Variants in ZMAT4 observed in about 807,000 individuals in gnomAD.
ZMAT4 encodes zinc finger matrin-type protein 4.
ZMAT4 carries 17 observed loss-of-function variants against 28.7 expected under a neutral mutation model. The observed-to-expected ratio is 0.59, with a 90% CI of 0.41 to 0.89. The LOEUF is 0.89. Ranked by LOEUF, ZMAT4 falls within the 40% of genes least tolerant of loss-of-function variation. ZMAT4 has a pLI of 0.00. For missense variants in ZMAT4, 240 were observed against 283.8 expected (o/e 0.85, Z 1.11); for synonymous variants, 117 against 109.2 (o/e 1.07, Z -0.44).
Position 40,729,294 on chromosome 8 carries a change from G to A in ZMAT4, c.193-31893C>T, listed in dbSNP as rs927843179. ...TTTTGGAGGACAGTTAATTATCTCT[G>A]TCATATCAAGTATCCAAATGGGAGG... On this transcript the variant is annotated intron_variant, in intron 3 of 6. Coordinates refer to ENST00000297737, the MANE Select transcript of ZMAT4 (RefSeq NM_024645.3). Among the ~76,000 whole-genome samples, 71 of 152,272 alleles carry A rather than the reference G, an allele frequency of 4.7e-4. 1 individual carries two copies. The highest frequency in any genetic ancestry group is 1.6e-3 in the African/African-American group (66 of 41,560).
At chr8:40,874,772 A>G (rs531336325) in intron 1 of ZMAT4, among the ~76,000 whole-genome samples, 5 of 152,340 alleles carry the variant, frequency 3.3e-5, no homozygotes, top group Non-Finnish European at 7.3e-5. Context: ...CAGTGGCCCA[A>G]GCCCTTTCCT....
At chr8:40,566,591 C>T (rs1232380113) in intron 6 of ZMAT4, among the ~76,000 whole-genome samples, 1 of 152,046 alleles carries the variant, frequency 6.6e-6, no homozygotes, top group African/African-American at 2.4e-5. Flanking sequence ...CATCTGGTTC[C>T]AAGACTAAGA....
At chr8:40,689,864 A>G (rs192992843) in intron 4 of ZMAT4, among the ~76,000 whole-genome samples, 1 of 152,256 alleles carries the variant, frequency 6.6e-6, no homozygotes, top group Admixed American at 6.5e-5. Context: ...CAAAGGTATA[A>G]CAACATCATA....
At chr8:40,621,608 A>G (rs1411244999) in intron 5 of ZMAT4, among the ~76,000 whole-genome samples, 1 of 152,224 alleles carries the variant, frequency 6.6e-6, no homozygotes, top group Non-Finnish European at 1.5e-5. Flanking sequence ...TACTGACATG[A>G]TTTGATATCA....
chr8:40,762,859 C>G (rs1429461483), intron 3 of ZMAT4, among the ~76,000 whole-genome samples: 1 of 152,110 alleles, frequency 6.6e-6, no homozygotes, highest in African/African-American at 2.4e-5. Context: ...TTTGTTGAAG[C>G]CACCCAGTTT....
At chr8:40,697,081 C>G in intron 4 of ZMAT4, 164 bp downstream of exon 4, 1 of 720,762 alleles carries the variant, frequency 1.4e-6, no homozygotes, top group Non-Finnish European at 2.2e-6. Context: ...GGTCTTAGGA[C>G]AGCCAGGTCT....
At chr8:40,870,177 T>A (rs1480813295) in intron 1 of ZMAT4, among the ~76,000 whole-genome samples, 1 of 152,162 alleles carries the variant, frequency 6.6e-6, no homozygotes, top group African/African-American at 2.4e-5. Flanking sequence ...AGACAACTTT[T>A]ATTCCCTAAG....
At chr8:40,868,635 C>T (rs1416682175) in intron 1 of ZMAT4, among the ~76,000 whole-genome samples, 1 of 152,184 alleles carries the variant, frequency 6.6e-6, no homozygotes, top group Non-Finnish European at 1.5e-5. Flanking sequence ...AGAAGAGGGT[C>T]CAAGGTCACC....
intron 1 of ZMAT4, among the ~76,000 whole-genome samples, chr8:40,867,011 T>A (rs1481867974): frequency 6.6e-6 from 1 of 152,210 alleles, no homozygotes; most frequent in East Asian, 1.9e-4. Flanking sequence ...AACTCTTCTC[T>A]TTCTTCTTCT....
At chr8:40,563,268 C>A (rs1470179211) in intron 6 of ZMAT4, among the ~76,000 whole-genome samples, 1 of 152,146 alleles carries the variant, frequency 6.6e-6, no homozygotes, top group African/African-American at 2.4e-5. Flanking sequence ...TCTCTCAAGT[C>A]CTTAAATGGT....
chr8:40,876,989 C>G (rs1818062685), intron 1 of ZMAT4, among the ~76,000 whole-genome samples: 1 of 152,196 alleles, frequency 6.6e-6, no homozygotes, highest in Non-Finnish European at 1.5e-5. Context: ...AGCCTCCACT[C>G]CTTCAGAATG....
intron 3 of ZMAT4, among the ~76,000 whole-genome samples, chr8:40,713,834 A>C (rs1810728378): frequency 6.7e-6 from 1 of 148,784 alleles, no homozygotes; most frequent in Non-Finnish European, 1.5e-5. Context: ...ACTTGAACCC[A>C]GGAGGTGGAG....
intron 2 of ZMAT4, among the ~76,000 whole-genome samples, chr8:40,783,522 A>C (rs770955702): frequency 6.6e-6 from 1 of 152,212 alleles, no homozygotes; most frequent in African/African-American, 2.4e-5. Flanking sequence ...GCAAAACTCC[A>C]CCAAATAACC....
chr8:40,778,610 G>A (rs1813700615), intron 2 of ZMAT4, among the ~76,000 whole-genome samples: 1 of 152,156 alleles, frequency 6.6e-6, no homozygotes, highest in Non-Finnish European at 1.5e-5. Flanking sequence ...CCCAAACAGA[G>A]TTAAGTACTC....
intron 5 of ZMAT4, among the ~76,000 whole-genome samples, chr8:40,584,518 C>T (rs181482593): frequency 6.6e-6 from 1 of 152,244 alleles, no homozygotes; most frequent in Admixed American, 6.5e-5. Flanking sequence ...GCAAAGGACT[C>T]TACTACTTAA....
chr8:40,858,125 G>A (rs1333294993), intron 1 of ZMAT4, among the ~76,000 whole-genome samples: 2 of 152,246 alleles, frequency 1.3e-5, no homozygotes, highest in South Asian at 2.1e-4. Context: ...AGATCTATGC[G>A]TTTTATCGTA....
chr8:40,703,264 A>T (rs574307061), intron 3 of ZMAT4, among the ~76,000 whole-genome samples: 30 of 152,276 alleles, frequency 2.0e-4, no homozygotes, highest in Admixed American at 9.8e-4. Flanking sequence ...CCACATAAAA[A>T]TTTTTACATG....
intron 1 of ZMAT4, among the ~76,000 whole-genome samples, chr8:40,857,235 G>A (rs1817329654): frequency 6.6e-6 from 1 of 152,048 alleles, no homozygotes; most frequent in African/African-American, 2.4e-5. Flanking sequence ...TGGATCTATA[G>A]TCCCAGCTAC....
chr8:40,863,149 C>T (rs565340528), intron 1 of ZMAT4, among the ~76,000 whole-genome samples: 4 of 151,954 alleles, frequency 2.6e-5, no homozygotes. Flanking sequence ...CCACGCAGCA[C>T]CATGGAAGCC....
Sources: gnomAD v4.1 joint callset for allele counts (sites outside exome capture counted in the v4.1 genomes callset) on GRCh38, gnomAD v4.1.1 for gene constraint, MANE v1.5 for transcripts, NCBI Gene and HGNC (gene_info 2026-07-23, HGNC 2026-07-21) for gene names.